Variants in ACOXL observed in about 807,000 individuals in gnomAD.
ACOXL encodes the protein acyl-coenzyme A oxidase-like protein.
ACOXL carries 70 observed loss-of-function variants against 71.9 expected under a neutral mutation model. That is an observed-to-expected ratio of 0.97 (90% CI 0.80 to 1.19). The LOEUF is 1.19. Ranked by LOEUF, ACOXL falls within the 50% of genes most tolerant of loss-of-function variation. The pLI is 0.00. For missense variants in ACOXL, 703 were observed against 736.3 expected (o/e 0.95, Z 0.52); for synonymous variants, 253 against 281.6 (o/e 0.90, Z 1.02).
At chr2:111,079,436 A>G (rs2067779491) in intron 16 of ACOXL, among the ~76,000 whole-genome samples, 1 of 152,190 alleles carries the variant, frequency 6.6e-6, no homozygotes, top group South Asian at 2.1e-4. Context: ...GGCTGCATTC[A>G]ACATTTCGTA....
At chr2:110,767,909 C>A (rs1681301059) in intron 1 of ACOXL, among the ~76,000 whole-genome samples, 2 of 147,150 alleles carry the variant, frequency 1.4e-5, no homozygotes, top group African/African-American at 5.1e-5. Context: ...TATGGCGAAA[C>A]CCTGTCTCTA....
At chr2:110,894,708 G>A (rs1173644682) in intron 10 of ACOXL, among the ~76,000 whole-genome samples, 3 of 152,144 alleles carry the variant, frequency 2.0e-5, no homozygotes, top group Non-Finnish European at 4.4e-5. Context: ...TCCTGCAGTG[G>A]TGGTGTTACA....
At position 111,078,304 on chromosome 2, in the gene ACOXL, G is replaced by A. The variant is rs147033061; in HGVS notation, c.1441-14561G>A. Among the ~76,000 whole-genome samples the A allele has an allele frequency of 4.2e-3, 633 of 151,754 alleles. 6 individuals are homozygous for A. Among genetic ancestry groups the A allele is most frequent in the African/African-American group, 0.014 (600 of 41,382 alleles). On this transcript the variant is annotated intron_variant, in intron 16 of 17. Transcript: ENST00000439055. ...TTTTGAGACAGAGTCTTACTCTGCC[G>A]CCCAGGCTAGAGTGCAATGGCGCGA...
chr2:110,908,991 T>A, intron 11 of ACOXL, 86 bp downstream of exon 11: 1 of 995,558 alleles, frequency 1.0e-6, no homozygotes, highest in Non-Finnish European at 1.5e-6. Context: ...GCACAGGATG[T>A]CATTTTCTAA....
chr2:110,972,737 C>A (rs1260590761), intron 12 of ACOXL, among the ~76,000 whole-genome samples: 1 of 151,956 alleles, frequency 6.6e-6, no homozygotes, highest in Non-Finnish European at 1.5e-5. Context: ...AAACCAGAAG[C>A]AAGTTTCCAA....
At chr2:110,768,511 TGTGAGAGA>T in intron 2 of ACOXL, 47 bp downstream of exon 2, 1 of 1,403,008 alleles carries the variant, frequency 7.1e-7, no homozygotes, top group South Asian at 1.2e-5. Context: ...TGTGTGTGTG[TGTGAGAGA>T]GAGAGAGAGA....
chr2:110,769,206 A>G (rs1050301702), intron 2 of ACOXL, among the ~76,000 whole-genome samples: 3 of 151,106 alleles, frequency 2.0e-5, no homozygotes, highest in Non-Finnish European at 4.4e-5. Context: ...GTATTATTTT[A>G]GTCAATTTAG....
chr2:111,041,044 G>A (rs2065756126), intron 15 of ACOXL, among the ~76,000 whole-genome samples: 1 of 152,102 alleles, frequency 6.6e-6, no homozygotes, highest in African/African-American at 2.4e-5. Context: ...GAGGTGCGAG[G>A]GCAAAGGGGC....
chr2:110,798,429 T>C (rs1685536487), intron 5 of ACOXL, among the ~76,000 whole-genome samples, 181 bp from the exon 6 acceptor site: 4 of 152,116 alleles, frequency 2.6e-5, no homozygotes, highest in African/African-American at 9.7e-5. Flanking sequence ...GCTAATTTTT[T>C]GTATTTTTAG....
At chr2:110,857,189 G>C in intron 10 of ACOXL, among the ~76,000 whole-genome samples, 1 of 152,164 alleles carries the variant, frequency 6.6e-6, no homozygotes, top group East Asian at 1.9e-4. Context: ...GTCTTTGACC[G>C]ACTCACTCAT....
At chr2:110,944,071 A>G (rs2061002199) in intron 12 of ACOXL, among the ~76,000 whole-genome samples, 1 of 151,836 alleles carries the variant, frequency 6.6e-6, no homozygotes, top group Non-Finnish European at 1.5e-5. Context: ...TTTTATTTTT[A>G]TTTTTTGAGA....
chr2:110,858,929 T>G (rs963175177), intron 10 of ACOXL, among the ~76,000 whole-genome samples: 34 of 152,212 alleles, frequency 2.2e-4, no homozygotes, highest in African/African-American at 6.8e-4. Flanking sequence ...TTTAATCCTT[T>G]GAAGAGAGTT....
intron 11 of ACOXL, among the ~76,000 whole-genome samples, chr2:110,913,462 T>G (rs990926509): frequency 2.0e-5 from 3 of 152,158 alleles, no homozygotes; most frequent in Non-Finnish European, 2.9e-5. Flanking sequence ...ATAACATGGA[T>G]AAACCTTGAA....
intron 13 of ACOXL, among the ~76,000 whole-genome samples, chr2:110,991,648 G>A (rs1047584271): frequency 6.6e-6 from 1 of 152,106 alleles, no homozygotes; most frequent in Non-Finnish European, 1.5e-5. Context: ...TATAGCCATT[G>A]GGATGACGTG....
At chr2:110,808,256 T>C (rs1686907864) in intron 9 of ACOXL, among the ~76,000 whole-genome samples, 1 of 152,012 alleles carries the variant, frequency 6.6e-6, no homozygotes, top group South Asian at 2.1e-4. Context: ...TTCTCTTGGG[T>C]TGATTTTGCG....
At chr2:111,001,681 A>G (rs2063638299) in intron 14 of ACOXL, among the ~76,000 whole-genome samples, 1 of 152,178 alleles carries the variant, frequency 6.6e-6, no homozygotes. Context: ...CCGTCCCACC[A>G]TTATATATTG....
intron 3 of ACOXL, among the ~76,000 whole-genome samples, chr2:110,790,289 T>C (rs570950087): frequency 6.6e-6 from 1 of 152,178 alleles, no homozygotes; most frequent in Non-Finnish European, 1.5e-5. Flanking sequence ...CAGATTTCCC[T>C]TCCACTTCAG....
chr2:110,751,113 A>G (rs998032112), intron 1 of ACOXL, among the ~76,000 whole-genome samples: 1 of 152,034 alleles, frequency 6.6e-6, no homozygotes, highest in African/African-American at 2.4e-5. Context: ...CCTGGCTAAC[A>G]TGGTGAAACC....
intron 13 of ACOXL, among the ~76,000 whole-genome samples, chr2:110,989,546 A>G (rs2063082939): frequency 1.3e-5 from 2 of 152,256 alleles, no homozygotes; most frequent in Admixed American, 1.3e-4. Context: ...TTGTACTTAC[A>G]TGACATACCT....
Sources: gnomAD v4.1 joint callset for allele counts (sites outside exome capture counted in the v4.1 genomes callset) on GRCh38, gnomAD v4.1.1 for gene constraint, MANE v1.5 for transcripts, NCBI Gene and HGNC (gene_info 2026-07-23, HGNC 2026-07-21) for gene names.